Variants in TRPM3 observed in about 807,000 individuals in gnomAD.
TRPM3 encodes the protein long transient receptor potential channel 3.
Under a neutral mutation model 181.2 loss-of-function variants are expected in TRPM3, and 77 were observed. That is an observed-to-expected ratio of 0.42 (90% CI 0.35 to 0.51). The LOEUF (loss-of-function observed/expected upper bound fraction) is 0.51, where lower values mean the gene tolerates loss of function less well. TRPM3 is among the 20% of genes least tolerant of loss of function. TRPM3 has a pLI of 0.01. For synonymous variants in TRPM3, 745 were observed against 796.4 expected, an observed-to-expected ratio of 0.94 and a Z score of 1.09; for missense variants, 1,759 against 2,196.7, an observed-to-expected ratio of 0.80 and a Z score of 3.98.
chr9:71,032,033 A>ATATATT (rs1554806773), intron 1 of TRPM3, among the ~76,000 whole-genome samples: 1 of 1,004 alleles, frequency 1.0e-3, no homozygotes, highest in Non-Finnish European at 1.9e-3. Flanking sequence ...ATATAATATA[A>ATATATT]ATATATATAT....
At chr9:71,261,437 A>T (rs1445553526) in intron 1 of TRPM3, among the ~76,000 whole-genome samples, 1 of 152,132 alleles carries the variant, frequency 6.6e-6, no homozygotes, top group African/African-American at 2.4e-5. Context: ...GCTTCCTTGC[A>T]TTGGGTTATA....
At chr9:70,778,212 C>A (rs779966295) in intron 7 of TRPM3, among the ~76,000 whole-genome samples, 1 of 152,094 alleles carries the variant, frequency 6.6e-6, no homozygotes, top group Non-Finnish European at 1.5e-5. Flanking sequence ...CATTCTATTG[C>A]CATTTTTGTG....
At chr9:70,566,451 C>T (rs2050610350) in intron 22 of TRPM3, among the ~76,000 whole-genome samples, 1 of 152,216 alleles carries the variant, frequency 6.6e-6, no homozygotes, top group African/African-American at 2.4e-5. Flanking sequence ...GCAGGGAAAG[C>T]AGCATGTGGA....
chr9:71,296,169 G>T (rs2086243084), intron 1 of TRPM3, among the ~76,000 whole-genome samples: 1 of 152,158 alleles, frequency 6.6e-6, no homozygotes, highest in Non-Finnish European at 1.5e-5. Context: ...AAAACAAACT[G>T]GTGAGACAAG....
At chr9:71,042,103 G>A (rs2058892566) in intron 1 of TRPM3, among the ~76,000 whole-genome samples, 1 of 152,008 alleles carries the variant, frequency 6.6e-6, no homozygotes, top group African/African-American at 2.4e-5. Flanking sequence ...AGAAATCTGA[G>A]GATTAAAAGC....
At chr9:70,583,102 A>G (rs191031620) in intron 22 of TRPM3, among the ~76,000 whole-genome samples, 66 of 152,296 alleles carry the variant, frequency 4.3e-4, no homozygotes, top group African/African-American at 1.3e-3. Flanking sequence ...GAATCCAGAA[A>G]TAGCCCTTGA....
chr9:70,926,255 A>G (rs1300201354), intron 1 of TRPM3, among the ~76,000 whole-genome samples: 1 of 152,148 alleles, frequency 6.6e-6, no homozygotes, highest in Non-Finnish European at 1.5e-5. Flanking sequence ...TGATCTTCAG[A>G]GCAAAGTGTC....
intron 25 of TRPM3, among the ~76,000 whole-genome samples, chr9:70,545,459 T>C (rs2044589298): frequency 1.3e-5 from 2 of 152,016 alleles, no homozygotes; most frequent in Non-Finnish European, 2.9e-5. Flanking sequence ...ATATTTACTT[T>C]GGAAAAGACA....
intron 1 of TRPM3, among the ~76,000 whole-genome samples, chr9:70,932,995 T>C (rs532060650): frequency 1.3e-5 from 2 of 152,194 alleles, no homozygotes; most frequent in African/African-American, 4.8e-5. Flanking sequence ...TCAGTAAGAT[T>C]TGATGATGTG....
At chr9:70,857,876 G>C (rs1368606055) in intron 3 of TRPM3, among the ~76,000 whole-genome samples, 8 of 152,164 alleles carry the variant, frequency 5.3e-5, no homozygotes, top group Admixed American at 5.2e-4. Flanking sequence ...TAGTGTGCTT[G>C]TCTCAAAAGT....
intron 1 of TRPM3, among the ~76,000 whole-genome samples, chr9:71,346,385 G>A (rs1261289484): frequency 1.3e-5 from 2 of 152,074 alleles, no homozygotes; most frequent in Non-Finnish European, 1.5e-5. Flanking sequence ...CTGGGTTTTA[G>A]GAGTTTGCTG....
chr9:71,317,868 A>G (rs2088796195), intron 1 of TRPM3, among the ~76,000 whole-genome samples: 2 of 152,168 alleles, frequency 1.3e-5, no homozygotes, highest in South Asian at 4.1e-4. Flanking sequence ...ATTTCTGGCT[A>G]GGACCAAATT....
chr9:70,812,252 C>A (rs1334962341), intron 6 of TRPM3, among the ~76,000 whole-genome samples: 1 of 152,180 alleles, frequency 6.6e-6, no homozygotes, highest in African/African-American at 2.4e-5. Flanking sequence ...TCACTTGTGG[C>A]AAATATTGGG....
At chr9:70,884,594 G>C (rs771730235) in intron 1 of TRPM3, among the ~76,000 whole-genome samples, 1 of 152,172 alleles carries the variant, frequency 6.6e-6, no homozygotes, top group African/African-American at 2.4e-5. Flanking sequence ...GTCTACAGAA[G>C]TCAGCTTTGC....
intron 1 of TRPM3, among the ~76,000 whole-genome samples, chr9:71,147,486 C>A (rs2075485925): frequency 6.7e-6 from 1 of 148,840 alleles, no homozygotes; most frequent in Non-Finnish European, 1.5e-5. Context: ...TTTCTACTGG[C>A]TAAGAAAAGG....
chr9:70,697,395 G>T (rs944945677), intron 8 of TRPM3, among the ~76,000 whole-genome samples: 1 of 152,060 alleles, frequency 6.6e-6, no homozygotes, highest in Non-Finnish European at 1.5e-5. Flanking sequence ...ATCACTTTGG[G>T]TTCCTAAACC....
chr9:71,350,350 A>G lies in TRPM3; in HGVS notation c.183+96303T>C, dbSNP rs188396304. Among the ~76,000 whole-genome samples, 246 of 152,278 alleles carry G rather than the reference A, an allele frequency of 1.6e-3. 1 individual carries two copies. The highest frequency in any genetic ancestry group is 1.8e-3 in the Non-Finnish European group (120 of 68,012). On this transcript the variant is annotated intron_variant, in intron 1 of 24. Coordinates refer to the TRPM3 transcript ENST00000357533. ...TTCTTCTTCGATGGCACTATCCCCAATCTTTCAATACTCCGGTTAGTTTGC... is the reference window on the plus strand; with the variant it reads ...TTCTTCTTCGATGGCACTATCCCCAGTCTTTCAATACTCCGGTTAGTTTGC...
chr9:70,600,723 C>CTGA (rs2059756213), intron 20 of TRPM3, among the ~76,000 whole-genome samples: 1 of 152,196 alleles, frequency 6.6e-6, no homozygotes, highest in African/African-American at 2.4e-5. Flanking sequence ...TGGTGTTGTC[C>CTGA]TGATGGCTTC....
At chr9:71,439,416 T>C (rs1228751530) in intron 1 of TRPM3, among the ~76,000 whole-genome samples, 1 of 152,216 alleles carries the variant, frequency 6.6e-6, no homozygotes, top group Non-Finnish European at 1.5e-5. Flanking sequence ...ATCAATACAC[T>C]TAATGTTCAT....
Sources: allele counts gnomAD v4.1 joint callset (sites outside exome capture counted in the v4.1 genomes callset), GRCh38; gene constraint gnomAD v4.1.1; transcripts MANE v1.5; gene names NCBI Gene and HGNC (gene_info 2026-07-23, HGNC 2026-07-21).